Variants in SLC35D1 observed in about 807,000 individuals in gnomAD.
SLC35D1 encodes the protein solute carrier family 35 member D1.
Under a neutral mutation model 46.7 loss-of-function variants are expected in SLC35D1, and 31 were observed. The observed-to-expected ratio is 0.66, with a 90% CI of 0.50 to 0.90. SLC35D1 has a LOEUF of 0.90. Among genes scored for constraint, SLC35D1 ranks in the 40% least tolerant of loss-of-function variants. The pLI, the probability that SLC35D1 is intolerant of heterozygous loss-of-function variation, is 0.00. For missense variants in SLC35D1, 397 were observed against 426.2 expected (o/e 0.93, Z 0.60); for synonymous variants, 195 against 164.6 (o/e 1.18, Z -1.41).
chr1:67,031,551 A>G (rs1173393819), intron 8 of SLC35D1, among the ~76,000 whole-genome samples: 1 of 152,132 alleles, frequency 6.6e-6, no homozygotes, highest in Non-Finnish European at 1.5e-5. Flanking sequence ...TACTGCCGCA[A>G]AAAAAAACAA....
intron 8 of SLC35D1, among the ~76,000 whole-genome samples, chr1:67,033,293 G>T (rs1668055594): frequency 1.3e-5 from 2 of 151,930 alleles, no homozygotes; most frequent in African/African-American, 4.8e-5. Flanking sequence ...AGTTTTTTGA[G>T]GAACCTCCAA....
chr1:67,035,149 C>T (rs576125840), intron 8 of SLC35D1, among the ~76,000 whole-genome samples: 59 of 151,736 alleles, frequency 3.9e-4, no homozygotes, highest in Middle Eastern at 3.4e-3. Context: ...TGTGTGTGCG[C>T]GCGTGTGTGT....
intron 8 of SLC35D1, among the ~76,000 whole-genome samples, chr1:67,030,722 A>G (rs1485436771): frequency 1.3e-5 from 2 of 152,066 alleles, no homozygotes; most frequent in Non-Finnish European, 2.9e-5. Context: ...TTCGGTGTAC[A>G]ATTCTGACAT....
Position 67,004,157 on chromosome 1 carries a change from T to C in SLC35D1, c.*183A>G, listed in dbSNP as rs1667398336. 3 of 607,396 alleles carry C rather than the reference T, an allele frequency of 4.9e-6. No individual in the cohort carries two copies. Among genetic ancestry groups the C allele is most frequent in the Non-Finnish European group, 8.9e-6 (3 of 337,234 alleles). The allele number at this position is 607,396 out of a possible 1,614,324, so 37.6% of individuals were successfully genotyped here. ...TTCAAACAACATATTTAAAATAGAGTCAATTATAAGTTTCTCTCTTCATAA... is the reference window on the plus strand; with the variant it reads ...TTCAAACAACATATTTAAAATAGAGCCAATTATAAGTTTCTCTCTTCATAA... On this transcript the variant is annotated 3_prime_UTR_variant, in exon 12 of 12. Coordinates refer to ENST00000235345, the MANE Select transcript of SLC35D1 (RefSeq NM_015139.3).
At chr1:67,013,159 T>TAG (rs1667608796) in intron 10 of SLC35D1, among the ~76,000 whole-genome samples, 2 of 30,948 alleles carry the variant, frequency 6.5e-5, no homozygotes, top group Non-Finnish European at 1.9e-4. Flanking sequence ...ATCCTGGAGA[T>TAG]ATATATATAT....
At chr1:67,013,307 G>T (rs2102253382) in intron 10 of SLC35D1, among the ~76,000 whole-genome samples, 1 of 151,512 alleles carries the variant, frequency 6.6e-6, no homozygotes, top group African/African-American at 2.4e-5. Flanking sequence ...AGCACTTTGG[G>T]AAGCAGAGGT....
the SLC35D1 span, among the ~76,000 whole-genome samples, chr1:66,991,868 C>A: frequency 2.0e-5 from 3 of 151,168 alleles, no homozygotes; most frequent in Non-Finnish European, 4.4e-5. Context: ...GATTTCTCCT[C>A]TTCATCTGGC....
intron 6 of SLC35D1, among the ~76,000 whole-genome samples, chr1:67,049,534 C>G (rs1356756015): frequency 1.3e-5 from 2 of 152,174 alleles, no homozygotes; most frequent in South Asian, 2.1e-4. Context: ...ATGCTATGTG[C>G]TCAGCACAAC....
chr1:66,977,039 A>G, the SLC35D1 span, among the ~76,000 whole-genome samples: 2 of 152,298 alleles, frequency 1.3e-5, no homozygotes, highest in East Asian at 3.9e-4. Context: ...GAAGAAATGG[A>G]TCAGAACAGC....
intron 1 of SLC35D1, 137 bp from the exon 2 acceptor site, chr1:67,053,126 A>G (rs75870077): frequency 5.7e-6 from 6 of 1,045,450 alleles, no homozygotes; most frequent in Non-Finnish European, 8.6e-6. Context: ...TCAAACAAAA[A>G]TCTTGGGAGA....
At chr1:66,993,420 C>T in the SLC35D1 span, among the ~76,000 whole-genome samples, 2 of 152,258 alleles carry the variant, frequency 1.3e-5, no homozygotes, top group South Asian at 4.1e-4. Context: ...GTATCTTCTG[C>T]GCACAGGCAA....
intron 8 of SLC35D1, among the ~76,000 whole-genome samples, chr1:67,026,911 G>C (rs989324392): frequency 2.0e-4 from 31 of 152,102 alleles, no homozygotes; most frequent in Non-Finnish European, 7.4e-5. Context: ...ATCAGATCTC[G>C]TAAGAACTCA....
intron 11 of SLC35D1, among the ~76,000 whole-genome samples, chr1:67,004,711 T>C (rs1299663527): frequency 6.6e-6 from 1 of 152,226 alleles, no homozygotes; most frequent in Non-Finnish European, 1.5e-5. Flanking sequence ...TCCCATTTTA[T>C]TTAAATGAAC....
chr1:67,009,359 C>T lies in SLC35D1; in HGVS notation c.877-192G>A, dbSNP rs75642941. Among the ~76,000 whole-genome samples the T allele has an allele frequency of 5.5e-3, 843 of 152,182 alleles. 13 individuals carry two copies. Among genetic ancestry groups the T allele is most frequent in the African/African-American group, 0.019 (805 of 41,530 alleles). ...AGGAATCAGTGACATTAGCCTCTTCCCAATCGATTTCTCCAGAAGATAAAT... is the reference window on the plus strand; with the variant it reads ...AGGAATCAGTGACATTAGCCTCTTCTCAATCGATTTCTCCAGAAGATAAAT... On this transcript the variant is annotated intron_variant, in intron 10 of 11. Coordinates refer to ENST00000235345, the MANE Select transcript of SLC35D1 (RefSeq NM_015139.3).
chr1:66,984,754 G>A, the SLC35D1 span: 1 of 1,613,982 alleles, frequency 6.2e-7, no homozygotes, highest in Non-Finnish European at 8.5e-7. Context: ...TGCAAGAAAT[G>A]AAAATGATTT....
intron 11 of SLC35D1, 22 bp from the exon 12 acceptor site, chr1:67,004,470 T>A: frequency 6.2e-7 from 1 of 1,604,526 alleles, no homozygotes; most frequent in South Asian, 1.1e-5. Flanking sequence ...AAAGCCACTA[T>A]CAGAGATGGA....
Position 67,049,779 on chromosome 1 carries a change from T to C in SLC35D1, c.533+3A>G, listed in dbSNP as rs911530815. 1 of 1,612,980 alleles carries C rather than the reference T, an allele frequency of 6.2e-7. No individual in the cohort carries two copies. The highest frequency in any genetic ancestry group is 8.5e-7 in the Non-Finnish European group (1 of 1,179,094). ...ATGTGCTAGTCATAGGCCCACATCT[T>C]ACCTGGCAGCTACAAAGGCTCCAAT... On this transcript the variant is annotated splice_donor_region_variant and intron_variant, in intron 6 of 11. Transcript: ENST00000235345.
chr1:66,994,223 G>A, the SLC35D1 span, among the ~76,000 whole-genome samples: 5 of 152,190 alleles, frequency 3.3e-5, no homozygotes, highest in Non-Finnish European at 5.9e-5. Context: ...TAGTTTCACC[G>A]TCAGTGTCAC....
intron 7 of SLC35D1, among the ~76,000 whole-genome samples, chr1:67,046,326 C>A (rs939725455): frequency 6.6e-6 from 1 of 152,124 alleles, no homozygotes; most frequent in African/African-American, 2.4e-5. Context: ...TATTTATTAT[C>A]TAAGCTCCCA....
Sources: allele counts gnomAD v4.1 joint callset (sites outside exome capture counted in the v4.1 genomes callset), GRCh38; gene constraint gnomAD v4.1.1; transcripts MANE v1.5; gene names NCBI Gene and HGNC (gene_info 2026-07-23, HGNC 2026-07-21).